ARHGAP31: variants seen among roughly 807,000 people sequenced by gnomAD.
The protein encoded by ARHGAP31 is Rho GTPase activating protein 31, also known as rho GTPase-activating protein 31.
In ARHGAP31, 34 loss-of-function variants were observed where a neutral mutation model predicts 113.9. The ratio of observed to expected loss-of-function variants is 0.30; its 90% CI spans 0.23 to 0.40. The LOEUF is 0.40. Among genes scored for constraint, ARHGAP31 ranks in the 10% least tolerant of loss-of-function variants. The pLI is 1.00. For missense variants in ARHGAP31, 1,548 were observed against 1,767.1 expected, an observed-to-expected ratio of 0.88 and a Z score of 2.22; for synonymous variants, 650 against 684.8, an observed-to-expected ratio of 0.95 and a Z score of 0.79.
At chr3:119,373,546 C>T (rs1238510460) in intron 3 of ARHGAP31, among the ~76,000 whole-genome samples, 3 of 152,056 alleles carry the variant, frequency 2.0e-5, no homozygotes, top group Non-Finnish European at 2.9e-5. Flanking sequence ...TCACTGCAGC[C>T]TCCCCCACCC....
At chr3:119,381,009 A>G in intron 4 of ARHGAP31, 23 bp downstream of exon 4, 1 of 1,598,182 alleles carries the variant, frequency 6.3e-7, no homozygotes, top group South Asian at 1.1e-5. Flanking sequence ...GGGAAAAGAA[A>G]CGTGTGGCCT....
chr3:119,383,601 T>C (rs1353704016), intron 6 of ARHGAP31, among the ~76,000 whole-genome samples: 1 of 152,230 alleles, frequency 6.6e-6, no homozygotes, highest in East Asian at 1.9e-4. Context: ...ACTTCATCTT[T>C]ACTTTCACTG....
chr3:119,306,860 T>C (rs1275386175), intron 1 of ARHGAP31, among the ~76,000 whole-genome samples: 1 of 152,226 alleles, frequency 6.6e-6, no homozygotes, highest in Non-Finnish European at 1.5e-5. Flanking sequence ...ACGATTTTTA[T>C]TTTCTTCATT....
intron 1 of ARHGAP31, among the ~76,000 whole-genome samples, chr3:119,327,771 C>T (rs2079859005): frequency 6.6e-6 from 1 of 152,198 alleles, no homozygotes; most frequent in Non-Finnish European, 1.5e-5. Context: ...TGTTTGTTCA[C>T]TGTGGTTTCC....
intron 1 of ARHGAP31, among the ~76,000 whole-genome samples, chr3:119,342,390 T>G (rs2080016400): frequency 6.6e-6 from 1 of 152,146 alleles, no homozygotes; most frequent in Non-Finnish European, 1.5e-5. Flanking sequence ...AATGGAATAC[T>G]CAGGGCTATG....
rs772904510 is a variant in ARHGAP31, at chr3:119,416,288, G to GA, written c.*31dup. 4 of 1,611,010 alleles carry GA rather than the reference G, an allele frequency of 2.5e-6. No homozygotes were observed. The highest frequency in any genetic ancestry group is 2.7e-5 in the African/African-American group (2 of 74,930). ...GATTTCGGTTCACCTGCTGGTGTCT[G>GA]AAAAAAACCGTGATTCATCTGGAAG... On this transcript the variant is annotated 3_prime_UTR_variant, in exon 12 of 12. Coordinates refer to ENST00000264245, the MANE Select transcript of ARHGAP31 (RefSeq NM_020754.4).
chr3:119,370,947 A>T (rs1228186287), intron 3 of ARHGAP31, among the ~76,000 whole-genome samples: 1 of 152,214 alleles, frequency 6.6e-6, no homozygotes, highest in East Asian at 1.9e-4. Context: ...CAGAAAGACA[A>T]GGAATGCTCT....
chr3:119,376,236 C>G (rs771429030), intron 3 of ARHGAP31, among the ~76,000 whole-genome samples: 30 of 152,312 alleles, frequency 2.0e-4, no homozygotes, highest in Admixed American at 5.9e-4. Context: ...CGCCTGTAAT[C>G]CCAGCACTTC....
intron 3 of ARHGAP31, among the ~76,000 whole-genome samples, chr3:119,371,248 A>T (rs779934159): frequency 3.5e-4 from 54 of 152,194 alleles, no homozygotes; most frequent in Non-Finnish European, 7.3e-4. Flanking sequence ...TTAGAAATAC[A>T]ATTTCTCCTT....
At position 119,295,103 on chromosome 3, in the gene ARHGAP31, T is replaced by C. The variant is rs1221472638; in HGVS notation, c.100+99T>C. The C allele has an allele frequency of 4.4e-6, 5 of 1,135,812 alleles. No individual in the cohort carries two copies. In the African/African-American group the frequency reaches 4.6e-5, roughly 10 times the overall value. 70.4% of individuals were successfully genotyped at this position (1,135,812 alleles called of 1,614,324 possible). ...GTGATAGAGTCGGTTCACAAGTTAA[T>C]GTATTCCAGGCCTGTGCGCTCATTG... On this transcript the variant is annotated intron_variant, in intron 1 of 11. Transcript: ENST00000264245.
chr3:119,382,318 T>C lies in ARHGAP31; in HGVS notation c.458T>C (p.Leu153Pro). The C allele has an allele frequency of 6.2e-7, 1 of 1,614,188 alleles. No homozygotes were observed. Among genetic ancestry groups the C allele is most frequent in the South Asian group, 1.1e-5 (1 of 91,086 alleles). ...YRTLEYLIRHLAHIASFSSKT... is the reference protein window; with the variant it reads ...YRTLEYLIRHPAHIASFSSKT... Reference sequence around the variant, plus strand: ...ACCTTGGAATACCTGATTCGACACCTGGCCCATATCGCCTCCTTCAGCAGC... The same window carrying C: ...ACCTTGGAATACCTGATTCGACACCCGGCCCATATCGCCTCCTTCAGCAGC... The change falls in exon 5 of 12, where the codon CTG becomes CCG. Residue 153 changes from leucine (L) to proline (P), a missense_variant. Leu to Pro is a moderately conservative substitution (Grantham distance 98). Transcript: ENST00000264245.
chr3:119,397,356 G>C (rs1430931225), intron 8 of ARHGAP31, among the ~76,000 whole-genome samples: 1 of 152,218 alleles, frequency 6.6e-6, no homozygotes, highest in South Asian at 2.1e-4. Context: ...GACACAGTCA[G>C]GGGCGCCTGG....
chr3:119,407,241 G>A (rs2080671079), intron 10 of ARHGAP31, among the ~76,000 whole-genome samples: 1 of 151,860 alleles, frequency 6.6e-6, no homozygotes. Flanking sequence ...CAGCTACTAG[G>A]GAAGTTGAGG....
intron 1 of ARHGAP31, among the ~76,000 whole-genome samples, chr3:119,310,587 C>T (rs777293542): frequency 6.6e-6 from 1 of 152,150 alleles, no homozygotes; most frequent in Non-Finnish European, 1.5e-5. Flanking sequence ...GAACTGCGCA[C>T]GAGGGATTTA....
Position 119,387,537 on chromosome 3 carries a change from C to T in ARHGAP31, c.683-3248C>T, listed in dbSNP as rs543009076. On this transcript the variant is annotated intron_variant, in intron 6 of 11. Coordinates refer to ENST00000264245, the MANE Select transcript of ARHGAP31 (RefSeq NM_020754.4). ...TTGCCTCGGTGCCTGGGTGGCTTGC[C>T]GCCCACAGCTTTGAGGATTCTATTT... Among the ~76,000 whole-genome samples the T allele has an allele frequency of 4.6e-5, 7 of 152,236 alleles. No individual in the cohort carries two copies. The South Asian group carries it at 8.3e-4, about 18-fold the overall frequency.
rs1017968614 is a variant in ARHGAP31 at position 119,308,922 on chromosome 3, C to A, written c.100+13918C>A. On this transcript the variant is annotated intron_variant, in intron 1 of 11. Transcript: ENST00000264245. ...GTGGTACAATCTTGGCTCACTGCAG[C>A]CTTGACTTCCTGGACTCAAGTGATC... Among the ~76,000 whole-genome samples, 5 of 152,198 alleles carry A rather than the reference C, an allele frequency of 3.3e-5. No individual in the cohort carries two copies. In the East Asian group the frequency reaches 7.7e-4, roughly 24 times the overall value.
chr3:119,363,196 A>G (rs2080225329), intron 1 of ARHGAP31, among the ~76,000 whole-genome samples: 1 of 152,136 alleles, frequency 6.6e-6, no homozygotes, highest in Admixed American at 6.5e-5. Context: ...ATTGTTCACA[A>G]CAGGGATTTT....
At chr3:119,325,926 C>T (rs558370240) in intron 1 of ARHGAP31, among the ~76,000 whole-genome samples, 2 of 152,312 alleles carry the variant, frequency 1.3e-5, no homozygotes, top group South Asian at 4.1e-4. Context: ...CACGGTGGCT[C>T]ACGCCTGTAA....
At position 119,414,333 on chromosome 3, in the gene ARHGAP31, G is replaced by A. The variant is rs774721494; in HGVS notation, c.2404G>A (p.Gly802Ser). 92 of 1,614,052 alleles carry A rather than the reference G, an allele frequency of 5.7e-5. No individual in the cohort carries two copies. Among genetic ancestry groups the A allele is most frequent in the Non-Finnish European group, 7.3e-5 (86 of 1,180,046 alleles). Residue 802 changes from glycine to serine, a missense_variant, in exon 12 of 12, where the codon GGC becomes AGC. Gly to Ser is a moderately conservative substitution (Grantham distance 56). Transcript: ENST00000264245. ...GTCAACTCCAGTCCTGCTTTCAAAG[G>A]GCGGCCCGGAAAGAGAAGACTCATC... ...EESTPVLLSK[G>S]GPEREDSSRK...
Sources: gnomAD v4.1 joint callset for allele counts (sites outside exome capture counted in the v4.1 genomes callset) on GRCh38, gnomAD v4.1.1 for gene constraint, MANE v1.5 for transcripts, NCBI Gene and HGNC (gene_info 2026-07-23, HGNC 2026-07-21) for gene names.